UBE3C: variants seen among roughly 807,000 people sequenced by gnomAD.
The protein encoded by UBE3C is ubiquitin-protein ligase E3C.
In UBE3C, 42 loss-of-function variants were observed where a neutral mutation model predicts 129.4. That is an observed-to-expected ratio of 0.32 (90% CI 0.25 to 0.42). The LOEUF (loss-of-function observed/expected upper bound fraction) is 0.42, where lower values mean the gene tolerates loss of function less well. Among genes scored for constraint, UBE3C ranks in the 10% least tolerant of loss-of-function variants. The probability of loss-of-function intolerance (pLI) is 1.00; values close to 1 mark genes in which losing one functional copy is unlikely to be tolerated. For missense variants in UBE3C, 1,049 were observed against 1,319.1 expected (o/e 0.80, Z 3.17); for synonymous variants, 510 against 492.4 (o/e 1.04, Z -0.47).
chr7:157,226,093 G>T (rs1041924252), intron 17 of UBE3C, among the ~76,000 whole-genome samples: 10 of 152,032 alleles, frequency 6.6e-5, no homozygotes, highest in African/African-American at 2.4e-4. Flanking sequence ...ACCTCCTGTT[G>T]TCTGCCCCTA....
At chr7:157,169,494 G>C (rs1186280010) in intron 3 of UBE3C, among the ~76,000 whole-genome samples, 1 of 151,726 alleles carries the variant, frequency 6.6e-6, no homozygotes, top group African/African-American at 2.4e-5. Context: ...TACTGCCTCA[G>C]CCTCCCGAGT....
chr7:157,158,435 C>T (rs1360552478), intron 1 of UBE3C, among the ~76,000 whole-genome samples: 2 of 152,070 alleles, frequency 1.3e-5, no homozygotes, highest in African/African-American at 4.8e-5. Flanking sequence ...AGTGGCAGGA[C>T]CGGTGTAGAG....
intron 1 of UBE3C, among the ~76,000 whole-genome samples, chr7:157,151,183 C>G (rs534165541): frequency 3.9e-5 from 6 of 152,184 alleles, no homozygotes; most frequent in Admixed American, 2.0e-4. Flanking sequence ...CTGAAGCCAC[C>G]GTAGAAGGGA....
At chr7:157,219,571 A>T (rs1407559039) in intron 14 of UBE3C, among the ~76,000 whole-genome samples, 1 of 152,208 alleles carries the variant, frequency 6.6e-6, no homozygotes, top group Non-Finnish European at 1.5e-5. Context: ...AATCTAGATT[A>T]TGGGAAATTT....
intron 10 of UBE3C, among the ~76,000 whole-genome samples, chr7:157,200,254 G>A (rs944984882): frequency 3.3e-5 from 5 of 152,144 alleles, no homozygotes; most frequent in South Asian, 2.1e-4. Flanking sequence ...TTTCAGTGAT[G>A]TACCCTTATT....
At chr7:157,206,602 T>A (rs1001486855) in intron 11 of UBE3C, among the ~76,000 whole-genome samples, 3 of 151,766 alleles carry the variant, frequency 2.0e-5, no homozygotes, top group African/African-American at 7.3e-5. Flanking sequence ...ATTTTAAACT[T>A]CTTTGAAACA....
chr7:157,182,393 A>G, intron 8 of UBE3C, 65 bp downstream of exon 8: 2 of 1,522,044 alleles, frequency 1.3e-6, no homozygotes, highest in South Asian at 2.4e-5. Context: ...ATGAGTCAAG[A>G]GAAGGCCATG....
At position 157,207,899 on chromosome 7, in the gene UBE3C, A is replaced by G. The variant is rs1809478321; in HGVS notation, c.1773A>G (p.Ile591Met). 1.2e-6 allele frequency: 2 copies of G among 1,606,930 alleles called. No homozygotes were observed. Among genetic ancestry groups the G allele is most frequent in the Non-Finnish European group, 1.7e-6 (2 of 1,177,252 alleles). ...CTAGCTCTGAAATGCAACAATGCATACAGATGGAACAGAAAAGATGGATTC... is the reference window on the plus strand; with the variant it reads ...CTAGCTCTGAAATGCAACAATGCATGCAGATGGAACAGAAAAGATGGATTC... ...VTTSSEMQQCIQMEQKRWIQL... is the reference protein window; with the variant it reads ...VTTSSEMQQCMQMEQKRWIQL... The change falls in exon 13 of 23, where the codon ATA becomes ATG. Residue 591 changes from isoleucine (I) to methionine (M), a missense_variant. Ile to Met is a conservative substitution (Grantham distance 10). Around this residue, in one of 4 missense-constraint regions of UBE3C, gnomAD observed 314 missense variants for 416.9 expected, o/e 0.75. Coordinates refer to ENST00000348165, the MANE Select transcript of UBE3C (RefSeq NM_014671.3).
intron 4 of UBE3C, among the ~76,000 whole-genome samples, chr7:157,171,810 G>A (rs1459755786): frequency 6.9e-6 from 1 of 144,328 alleles, no homozygotes; most frequent in African/African-American, 2.5e-5. Context: ...GGGTTCAAGC[G>A]ATTCTCCTGC....
At chr7:157,173,386 A>T (rs1808432711) in intron 4 of UBE3C, among the ~76,000 whole-genome samples, 1 of 152,202 alleles carries the variant, frequency 6.6e-6, no homozygotes, top group South Asian at 2.1e-4. Flanking sequence ...TCAAGCATAG[A>T]TGCGATAGCA....
intron 18 of UBE3C, among the ~76,000 whole-genome samples, chr7:157,236,624 G>A (rs941547940): frequency 2.0e-5 from 3 of 152,114 alleles, no homozygotes; most frequent in African/African-American, 7.2e-5. Context: ...AATTTGCTGA[G>A]GCTTTAAACA....
intron 4 of UBE3C, among the ~76,000 whole-genome samples, chr7:157,171,660 TTATATATATA>T (rs201782129): frequency 5.9e-5 from 4 of 67,876 alleles, no homozygotes; most frequent in African/African-American, 1.1e-4. Flanking sequence ...TTTAAATATT[TTATATATATA>T]TATATATATA....
intron 1 of UBE3C, among the ~76,000 whole-genome samples, chr7:157,163,309 C>T (rs1288170109): frequency 6.6e-6 from 1 of 151,290 alleles, no homozygotes; most frequent in Non-Finnish European, 1.5e-5. Flanking sequence ...ATGGCGTGAA[C>T]CCGGGAGGCG....
intron 18 of UBE3C, among the ~76,000 whole-genome samples, chr7:157,235,804 G>A (rs980405978): frequency 6.6e-6 from 1 of 152,138 alleles, no homozygotes; most frequent in Non-Finnish European, 1.5e-5. Flanking sequence ...TTCCTAAGGG[G>A]TTACTAACTT....
At chr7:157,191,505 G>A (rs1808965881) in intron 10 of UBE3C, among the ~76,000 whole-genome samples, 2 of 152,290 alleles carry the variant, frequency 1.3e-5, no homozygotes, top group South Asian at 4.1e-4. Flanking sequence ...TGCCTAGGCT[G>A]GTCTCGAACA....
chr7:157,143,643 C>G (rs1807521192), intron 1 of UBE3C, among the ~76,000 whole-genome samples: 1 of 152,118 alleles, frequency 6.6e-6, no homozygotes. Context: ...TAACCTCAGT[C>G]TGAGGAGGGC....
chr7:157,139,471 G>C, intron 1 of UBE3C, 133 bp downstream of exon 1: 1 of 835,538 alleles, frequency 1.2e-6, no homozygotes, highest in Non-Finnish European at 1.7e-6. Flanking sequence ...CTCCCTGGCG[G>C]GGACTCGGGG....
At chr7:157,158,056 T>C (rs1175557689) in intron 1 of UBE3C, among the ~76,000 whole-genome samples, 3 of 128,948 alleles carry the variant, frequency 2.3e-5, no homozygotes, top group African/African-American at 8.7e-5. Flanking sequence ...TTTCCTTTTT[T>C]TTTTTTTTTT....
intron 15 of UBE3C, 21 bp downstream of exon 15, chr7:157,220,797 G>A: frequency 6.2e-6 from 10 of 1,612,584 alleles, no homozygotes; most frequent in Non-Finnish European, 8.5e-6. Context: ...TAGGACACAG[G>A]GTTACTGAGG....
Sources: allele counts gnomAD v4.1 joint callset (sites outside exome capture counted in the v4.1 genomes callset), GRCh38; gene constraint gnomAD v4.1.1; regional missense constraint gnomAD v4.1.1; transcripts MANE v1.5; gene names NCBI Gene and HGNC (gene_info 2026-07-23, HGNC 2026-07-21).